Variants in SPOCK1 observed in about 807,000 individuals in gnomAD.
The protein encoded by SPOCK1 is SPARC (osteonectin), cwcv and kazal like domains proteoglycan 1.
A neutral mutation model predicts 55.3 loss-of-function variants in SPOCK1; 23 were observed. The observed-to-expected ratio is 0.42, with a 90% CI of 0.30 to 0.59. The LOEUF (loss-of-function observed/expected upper bound fraction) is 0.59, where lower values mean the gene tolerates loss of function less well. SPOCK1 is among the 20% of genes least tolerant of loss of function. The probability of loss-of-function intolerance (pLI) is 0.22; values close to 1 mark genes in which losing one functional copy is unlikely to be tolerated. For missense variants in SPOCK1, 499 were observed against 552.5 expected (o/e 0.90, Z 0.97); for synonymous variants, 226 against 221.0 (o/e 1.02, Z -0.20).
intron 2 of SPOCK1, among the ~76,000 whole-genome samples, chr5:137,404,915 T>TTA (rs1208204469): frequency 2.6e-5 from 4 of 152,214 alleles, no homozygotes. Context: ...TTATTAGTTT[T>TTA]TATGTTTAAA....
intron 3 of SPOCK1, among the ~76,000 whole-genome samples, chr5:137,199,436 A>T (rs1327744727): frequency 2.0e-5 from 3 of 152,104 alleles, no homozygotes; most frequent in Non-Finnish European, 4.4e-5. Context: ...CATGAGTCAC[A>T]ACAGACCTAG....
intron 2 of SPOCK1, among the ~76,000 whole-genome samples, chr5:137,285,935 T>C (rs1580847377): frequency 6.6e-6 from 1 of 152,196 alleles, no homozygotes; most frequent in East Asian, 1.9e-4. Flanking sequence ...GTAGGCCATA[T>C]ACAGACTCTG....
chr5:137,498,673 G>C, intron 1 of SPOCK1, 115 bp from the exon 2 acceptor site: 1 of 877,934 alleles, frequency 1.1e-6, no homozygotes. Context: ...GCGGGCACGG[G>C]CAGCGCTCGC....
chr5:137,057,222 T>C (rs1452785806), intron 6 of SPOCK1, among the ~76,000 whole-genome samples: 2 of 152,080 alleles, frequency 1.3e-5, no homozygotes, highest in East Asian at 3.9e-4. Context: ...CAGGAGGGCC[T>C]TAGAGGTGAC....
chr5:137,336,638 C>A (rs1403904154), intron 2 of SPOCK1, among the ~76,000 whole-genome samples: 3 of 152,176 alleles, frequency 2.0e-5, no homozygotes, highest in African/African-American at 7.2e-5. Context: ...GTAACAGTCT[C>A]TGTGAGGTCA....
chr5:137,107,716 A>G (rs192375833), intron 5 of SPOCK1, among the ~76,000 whole-genome samples: 1 of 152,234 alleles, frequency 6.6e-6, no homozygotes, highest in African/African-American at 2.4e-5. Flanking sequence ...ACCTCTGACT[A>G]TTGGGGGCCC....
At chr5:137,040,491 C>T (rs749971364) in intron 6 of SPOCK1, among the ~76,000 whole-genome samples, 39 of 152,180 alleles carry the variant, frequency 2.6e-4, no homozygotes, top group Non-Finnish European at 5.0e-4. Context: ...TACAGGCCCA[C>T]AAAATACATA....
Position 136,977,702 on chromosome 5 carries a change from G to A in SPOCK1, c.*952C>T, listed in dbSNP as rs1750645144. 7.5e-6 allele frequency: 3 copies of A among 398,178 alleles called. No homozygotes were observed. The highest frequency in any genetic ancestry group is 3.6e-5 in the East Asian group (1 of 28,016). The allele number at this position is 398,178 out of a possible 1,614,324, so 24.7% of individuals were successfully genotyped here. ...AAGCTGCCCGTGTCGTGTGGGAGTC[G>A]CATGGCTTCTGCGAGAAAAGTGATT... On this transcript the variant is annotated 3_prime_UTR_variant, in exon 11 of 11. Coordinates refer to ENST00000394945, the MANE Select transcript of SPOCK1 (RefSeq NM_004598.4).
chr5:136,988,359 G>T, intron 8 of SPOCK1, 63 bp downstream of exon 8: 1 of 1,364,086 alleles, frequency 7.3e-7, no homozygotes, highest in Non-Finnish European at 1.0e-6. Context: ...GTCATACGCA[G>T]TCCTCCTCTG....
intron 2 of SPOCK1, among the ~76,000 whole-genome samples, chr5:137,330,547 G>T (rs557327587): frequency 2.0e-5 from 3 of 152,316 alleles, no homozygotes; most frequent in Non-Finnish European, 4.4e-5. Context: ...TGAATGCAAG[G>T]CTGATACTTA....
At chr5:137,283,712 C>G (rs972608954) in intron 2 of SPOCK1, among the ~76,000 whole-genome samples, 1 of 151,268 alleles carries the variant, frequency 6.6e-6, no homozygotes, top group Non-Finnish European at 1.5e-5. Context: ...AAAACCCTAT[C>G]TCAAAAACAA....
At chr5:137,281,241 G>C (rs1451590269) in intron 2 of SPOCK1, among the ~76,000 whole-genome samples, 1 of 152,172 alleles carries the variant, frequency 6.6e-6, no homozygotes, top group Non-Finnish European at 1.5e-5. Context: ...GCCCAGAAAA[G>C]TAAAATCATT....
intron 2 of SPOCK1, among the ~76,000 whole-genome samples, chr5:137,315,323 G>A (rs1185758824): frequency 6.6e-6 from 1 of 152,180 alleles, no homozygotes; most frequent in Non-Finnish European, 1.5e-5. Flanking sequence ...TCATTCTCAT[G>A]AGGCTATGAG....
At chr5:137,121,502 T>G (rs943500052) in intron 4 of SPOCK1, among the ~76,000 whole-genome samples, 1 of 151,034 alleles carries the variant, frequency 6.6e-6, no homozygotes, top group African/African-American at 2.4e-5. Context: ...TCACACACTT[T>G]GGAACATTAC....
chr5:137,144,175 T>G (rs1014038416), intron 3 of SPOCK1, among the ~76,000 whole-genome samples: 3 of 152,056 alleles, frequency 2.0e-5, no homozygotes, highest in Admixed American at 2.0e-4. Flanking sequence ...ACCTGAGCCC[T>G]CAGCCTACCC....
chr5:137,347,930 G>A (rs1047427195), intron 2 of SPOCK1, among the ~76,000 whole-genome samples: 11 of 152,254 alleles, frequency 7.2e-5, no homozygotes, highest in Admixed American at 2.6e-4. Flanking sequence ...TATAGGAATA[G>A]GAATCACCTG....
At chr5:137,466,980 G>C (rs367868267) in intron 2 of SPOCK1, among the ~76,000 whole-genome samples, 15 of 152,238 alleles carry the variant, frequency 9.9e-5, no homozygotes, top group African/African-American at 3.6e-4. Flanking sequence ...CCACTTCACA[G>C]TCCACTCACA....
chr5:137,087,092 T>C (rs1156297742), intron 5 of SPOCK1, among the ~76,000 whole-genome samples: 1 of 152,232 alleles, frequency 6.6e-6, no homozygotes, highest in Non-Finnish European at 1.5e-5. Context: ...TTTGCTGAAA[T>C]TAATCAAATC....
At chr5:137,199,202 C>T (rs776906462) in intron 3 of SPOCK1, among the ~76,000 whole-genome samples, 14 of 152,132 alleles carry the variant, frequency 9.2e-5, no homozygotes, top group Non-Finnish European at 8.8e-5. Flanking sequence ...CACCTTATTG[C>T]GATGACAGCC....
Sources: gnomAD v4.1 joint callset for allele counts (sites outside exome capture counted in the v4.1 genomes callset) on GRCh38, gnomAD v4.1.1 for gene constraint, MANE v1.5 for transcripts, NCBI Gene and HGNC (gene_info 2026-07-23, HGNC 2026-07-21) for gene names.